The following ADAMTSL1 variants were observed in gnomAD, a reference collection of about 807,000 sequenced individuals.
ADAMTSL1 encodes the protein ADAMTS like 1, also known as ADAMTS-like protein 1.
In ADAMTSL1, 126 loss-of-function variants were observed where a neutral mutation model predicts 201.8. The ratio of observed to expected loss-of-function variants is 0.62; its 90% CI spans 0.54 to 0.72. The LOEUF is 0.72. Ranked by LOEUF, ADAMTSL1 falls within the 30% of genes least tolerant of loss-of-function variation. The pLI is 0.00. For missense variants in ADAMTSL1, 2,679 were observed against 2,277.8 expected, an observed-to-expected ratio of 1.18 and a Z score of -3.59; for synonymous variants, 1,121 against 903.4, an observed-to-expected ratio of 1.24 and a Z score of -4.32.
chr9:18,583,853 T>C (rs1823283777), intron 4 of ADAMTSL1, among the ~76,000 whole-genome samples: 1 of 152,210 alleles, frequency 6.6e-6, no homozygotes, highest in African/African-American at 2.4e-5. Flanking sequence ...GTAGTCCCTT[T>C]GTTTTGGCCA....
chr9:18,904,400 C>G (rs1380833555), intron 26 of ADAMTSL1, among the ~76,000 whole-genome samples: 2 of 151,842 alleles, frequency 1.3e-5, no homozygotes, highest in South Asian at 4.2e-4. Flanking sequence ...ACCTGAGAGG[C>G]AGAGGTTGCA....
intron 2 of ADAMTSL1, among the ~76,000 whole-genome samples, chr9:18,254,881 C>A (rs1274595865): frequency 6.6e-6 from 1 of 152,062 alleles, no homozygotes; most frequent in African/African-American, 2.4e-5. Flanking sequence ...AAATTTATGA[C>A]ATTATCTAGA....
intron 1 of ADAMTSL1, among the ~76,000 whole-genome samples, chr9:18,144,734 G>C (rs1826555247): frequency 6.6e-6 from 1 of 152,078 alleles, no homozygotes; most frequent in Admixed American, 6.6e-5. Flanking sequence ...AGATAATTAA[G>C]ACTTGTAGGA....
intron 26 of ADAMTSL1, among the ~76,000 whole-genome samples, chr9:18,893,641 G>A (rs149992861): frequency 3.8e-4 from 58 of 152,332 alleles, no homozygotes; most frequent in Non-Finnish European, 7.4e-4. Context: ...GAGTAGCAAG[G>A]CTTGAGGCAT....
intron 1 of ADAMTSL1, among the ~76,000 whole-genome samples, chr9:17,955,496 G>A (rs1435167424): frequency 1.3e-5 from 2 of 152,138 alleles, no homozygotes; most frequent in East Asian, 1.9e-4. Context: ...AGCAGTTTCA[G>A]TCACCCACGG....
intron 7 of ADAMTSL1, among the ~76,000 whole-genome samples, chr9:18,656,009 T>C (rs1828633995): frequency 6.6e-6 from 1 of 152,018 alleles, no homozygotes; most frequent in Non-Finnish European, 1.5e-5. Context: ...GGTATCACTG[T>C]TTATTCTAAT....
rs960847976 is a variant in ADAMTSL1 at position 18,185,213 on chromosome 9, G to T, written c.207+21232G>T. Among the ~76,000 whole-genome samples the T allele has an allele frequency of 7.9e-5, 12 of 152,206 alleles. No individual in the cohort carries two copies. In the South Asian group the frequency reaches 2.5e-3, roughly 32 times the overall value. On this transcript the variant is annotated intron_variant, in intron 2 of 29. Transcript: ENST00000680146. ...CAATAGAATATGGCAAAGACGACAG[G>T]ATATTATTCCTCTGATGATGTTGTG...
chr9:18,455,816 G>A (rs1204702824), intron 2 of ADAMTSL1, among the ~76,000 whole-genome samples: 1 of 146,196 alleles, frequency 6.8e-6, no homozygotes. Context: ...ATTGAACTTG[G>A]CAAGAATCAC....
At chr9:18,828,696 A>ATATATATATATG (rs1384860090) in intron 22 of ADAMTSL1, among the ~76,000 whole-genome samples, 1 of 91,072 alleles carries the variant, frequency 1.1e-5, no homozygotes, top group African/African-American at 4.3e-5. Flanking sequence ...ATATATATAA[A>ATATATATATATG]ATGTGTGTGT....
chr9:18,593,394 T>C (rs1201420224), intron 4 of ADAMTSL1, among the ~76,000 whole-genome samples: 1 of 152,116 alleles, frequency 6.6e-6, no homozygotes, highest in Non-Finnish European at 1.5e-5. Context: ...TTTTCCTCAT[T>C]TCAATTTCAT....
rs7023403 is a variant in ADAMTSL1 at position 18,067,839 on chromosome 9, T to C, written c.88-96023T>C. Reference sequence around the variant, plus strand: ...AGAAGACTTAAGGGTGATTTAATGCTGTTATTGAAGCATAAGAGGGTTCTT... The same window carrying C: ...AGAAGACTTAAGGGTGATTTAATGCCGTTATTGAAGCATAAGAGGGTTCTT... On this transcript the variant is annotated intron_variant, in intron 1 of 29. Transcript: ENST00000680146. Among the ~76,000 whole-genome samples the C allele has an allele frequency of 9.8e-3, 1,486 of 152,274 alleles. 33 individuals are homozygous for C. The highest frequency in any genetic ancestry group is 0.034 in the African/African-American group (1,399 of 41,548).
At chr9:18,125,994 C>T (rs1050280111) in intron 1 of ADAMTSL1, among the ~76,000 whole-genome samples, 1 of 152,148 alleles carries the variant, frequency 6.6e-6, no homozygotes, top group African/African-American at 2.4e-5. Context: ...AGAGTGTGAA[C>T]ATCATGCCAG....
At chr9:18,525,952 T>A (rs1030346422) in intron 2 of ADAMTSL1, among the ~76,000 whole-genome samples, 3 of 152,236 alleles carry the variant, frequency 2.0e-5, no homozygotes, top group African/African-American at 7.2e-5. Flanking sequence ...TGTAGATGTC[T>A]ATTAGATCCA....
Position 18,763,304 on chromosome 9 carries a change from T to A in ADAMTSL1, c.2218-7298T>A, listed in dbSNP as rs1016596179. On this transcript the variant is annotated intron_variant, in intron 16 of 28. Coordinates refer to ENST00000380548, the MANE Select transcript of ADAMTSL1 (RefSeq NM_001040272.6). ...TATACCTGTTTGCCATTGTGTCTTC[T>A]TTTGAGAGATGTCTAGTCAGATCTT... Among the ~76,000 whole-genome samples the A allele has an allele frequency of 1.4e-4, 21 of 152,366 alleles. 1 individual carries two copies. Among genetic ancestry groups the A allele is most frequent in the Admixed American group, 1.4e-3 (21 of 15,300 alleles).
intron 7 of ADAMTSL1, among the ~76,000 whole-genome samples, chr9:18,644,886 C>T (rs1827689918): frequency 6.6e-6 from 1 of 151,702 alleles, no homozygotes; most frequent in Non-Finnish European, 1.5e-5. Flanking sequence ...GATTTATAGT[C>T]CTTTGGGTAT....
At chr9:18,852,173 C>G (rs1019889753) in intron 23 of ADAMTSL1, among the ~76,000 whole-genome samples, 1 of 152,180 alleles carries the variant, frequency 6.6e-6, no homozygotes, top group Non-Finnish European at 1.5e-5. Context: ...TTGGGAGCAG[C>G]CTCCGGAGCC....
intron 2 of ADAMTSL1, among the ~76,000 whole-genome samples, chr9:18,370,631 A>G (rs1304007044): frequency 4.0e-5 from 6 of 149,602 alleles, no homozygotes; most frequent in Admixed American, 6.6e-5. Flanking sequence ...TCTAAGCAGT[A>G]TGTCCCCTTT....
At chr9:17,927,569 A>G (rs1826602072) in intron 1 of ADAMTSL1, among the ~76,000 whole-genome samples, 1 of 152,110 alleles carries the variant, frequency 6.6e-6, no homozygotes, top group Non-Finnish European at 1.5e-5. Flanking sequence ...AGATCAAAAT[A>G]TCTAAAAACA....
intron 15 of ADAMTSL1, among the ~76,000 whole-genome samples, chr9:18,742,544 G>A (rs376740482): frequency 3.9e-5 from 6 of 152,204 alleles, no homozygotes; most frequent in African/African-American, 1.4e-4. Flanking sequence ...CTCAAGGACG[G>A]TACAGTTGAT....
Sources: gnomAD v4.1 joint callset for allele counts (sites outside exome capture counted in the v4.1 genomes callset) on GRCh38, gnomAD v4.1.1 for gene constraint, MANE v1.5 for transcripts, NCBI Gene and HGNC (gene_info 2026-07-23, HGNC 2026-07-21) for gene names.